The following SLC35F3 variants were observed in gnomAD, a reference collection of about 807,000 sequenced individuals.
SLC35F3 encodes the protein putative thiamine transporter SLC35F3.
Under a neutral mutation model 49.9 loss-of-function variants are expected in SLC35F3, and 25 were observed. The ratio of observed to expected loss-of-function variants is 0.50; its 90% CI spans 0.37 to 0.70. The LOEUF (loss-of-function observed/expected upper bound fraction) is 0.70, where lower values mean the gene tolerates loss of function less well. Ranked by LOEUF, SLC35F3 falls within the 30% of genes least tolerant of loss-of-function variation. The pLI, the probability that SLC35F3 is intolerant of heterozygous loss-of-function variation, is 0.00. For synonymous variants in SLC35F3, 275 were observed against 265.4 expected (o/e 1.04, Z -0.35); for missense variants, 525 against 639.8 (o/e 0.82, Z 1.94).
chr1:234,104,049 G>C (rs1379842980), intron 2 of SLC35F3, among the ~76,000 whole-genome samples: 1 of 152,178 alleles, frequency 6.6e-6, no homozygotes. Context: ...ACTTGTTTTT[G>C]TTAGTCATTG....
intron 3 of SLC35F3, among the ~76,000 whole-genome samples, chr1:234,240,307 T>C (rs1239951533): frequency 7.2e-6 from 1 of 138,290 alleles, no homozygotes; most frequent in African/African-American, 2.8e-5. Flanking sequence ...CCGTCTCTAC[T>C]GAAAACACAA....
chr1:234,169,562 ACAGGGACATACTGCCTGT>A (rs66581310), intron 2 of SLC35F3, among the ~76,000 whole-genome samples: 5,580 of 152,180 alleles, frequency 0.037, 289 homozygotes, highest in African/African-American at 0.11. Context: ...GATGCTCTGG[ACAGGGACATACTGCCTGT>A]CAGGGACATC....
At chr1:234,099,545 C>G (rs9435560) in intron 2 of SLC35F3, among the ~76,000 whole-genome samples, 73,882 of 148,556 alleles carry the variant, frequency 0.5, 18,686 homozygotes, top group East Asian at 0.82. Context: ...TGGAGGTGGA[C>G]GTTGCAGTGA....
chr1:234,261,687 C>A (rs1667908442), intron 3 of SLC35F3: 1 of 152,044 alleles, frequency 6.6e-6, no homozygotes, highest in South Asian at 2.1e-4. Context: ...GGGATGCAGC[C>A]CAGCAGGTCT....
intron 3 of SLC35F3, among the ~76,000 whole-genome samples, chr1:234,289,943 C>G (rs1342072308): frequency 1.3e-5 from 2 of 152,142 alleles, no homozygotes; most frequent in Non-Finnish European, 2.9e-5. Context: ...ACCAAAAGAG[C>G]TTTATTAATA....
chr1:233,959,006 A>G (rs1171988259), intron 2 of SLC35F3, among the ~76,000 whole-genome samples: 1 of 152,228 alleles, frequency 6.6e-6, no homozygotes, highest in Non-Finnish European at 1.5e-5. Context: ...AACACCAAAG[A>G]TAATGAAAAA....
chr1:234,272,426 G>C (rs1668122547), intron 3 of SLC35F3: 1 of 152,226 alleles, frequency 6.6e-6, no homozygotes, highest in African/African-American at 2.4e-5. Context: ...GTATACTTTT[G>C]GAGTAACATC....
rs566781230 is a variant in SLC35F3, at chr1:234,181,018, T to C, written c.284-50399T>C. Among the ~76,000 whole-genome samples, 5 of 152,220 alleles carry C rather than the reference T, an allele frequency of 3.3e-5. No individual in the cohort carries two copies. The East Asian group carries it at 7.7e-4, about 23-fold the overall frequency. ...AAATCCAGACATCATATAATTTCTT[T>C]TGAGGCATTTCTAAATGTATGTATT... On this transcript the variant is annotated intron_variant, in intron 2 of 7. Coordinates refer to ENST00000366618, the MANE Select transcript of SLC35F3 (RefSeq NM_173508.4).
intron 4 of SLC35F3, among the ~76,000 whole-genome samples, chr1:234,315,490 C>T (rs1353732647): frequency 1.3e-5 from 2 of 152,322 alleles, no homozygotes; most frequent in South Asian, 2.1e-4. Flanking sequence ...CACATACCAG[C>T]TGTGTGGGTT....
Position 234,117,956 on chromosome 1 carries a change from GTGTGTGTGTA to G in SLC35F3, c.284-113459_284-113450del, listed in dbSNP as rs1279022278. Among the ~76,000 whole-genome samples, 17 of 28,324 alleles carry G rather than the reference GTGTGTGTGTA, an allele frequency of 6.0e-4. 2 individuals are homozygous for G. The highest frequency in any genetic ancestry group is 2.8e-3 in the Admixed American group (7 of 2,512). 18.6% of individuals were successfully genotyped at this position (28,324 alleles called of 152,430 possible). On this transcript the variant is annotated intron_variant, in intron 2 of 7. Coordinates refer to ENST00000366618, the MANE Select transcript of SLC35F3 (RefSeq NM_173508.4). The stretch of plus-strand genomic sequence containing the variant: ...TGTGTGTGTGTGTGTGTGTGTGTGT[GTGTGTGTGTA>G]TATATATATAAAACCACAAGAAACT...
intron 2 of SLC35F3, among the ~76,000 whole-genome samples, chr1:234,108,914 G>A (rs1247134421): frequency 6.6e-6 from 1 of 150,992 alleles, no homozygotes; most frequent in Non-Finnish European, 1.5e-5. Context: ...CAGATGTCTG[G>A]ACACAGTCGT....
chr1:233,971,305 C>T (rs1434929751), intron 2 of SLC35F3, among the ~76,000 whole-genome samples: 2 of 152,216 alleles, frequency 1.3e-5, no homozygotes, highest in African/African-American at 2.4e-5. Context: ...AGGAGAAGAA[C>T]CACTTCTGAG....
At chr1:234,226,961 G>GCAAACA (rs1553316748) in intron 2 of SLC35F3, among the ~76,000 whole-genome samples, 3 of 148,638 alleles carry the variant, frequency 2.0e-5, no homozygotes, top group Non-Finnish European at 3.0e-5. Context: ...GCGCACGCGT[G>GCAAACA]CACACACACA....
intron 2 of SLC35F3, among the ~76,000 whole-genome samples, chr1:234,061,986 A>G (rs915008109): frequency 1.8e-4 from 27 of 151,978 alleles, no homozygotes; most frequent in African/African-American, 5.6e-4. Context: ...TCTGTTGTCT[A>G]TTTTTTGGAG....
chr1:234,168,015 T>G (rs1286616396), intron 2 of SLC35F3, among the ~76,000 whole-genome samples: 1 of 152,200 alleles, frequency 6.6e-6, no homozygotes, highest in Non-Finnish European at 1.5e-5. Flanking sequence ...CAGTGACAAT[T>G]CCTGCACACT....
chr1:234,308,001 A>AT (rs1572145709), intron 3 of SLC35F3, among the ~76,000 whole-genome samples: 1 of 152,074 alleles, frequency 6.6e-6, no homozygotes, highest in Non-Finnish European at 1.5e-5. Flanking sequence ...TTTCTTAAAG[A>AT]TTTTTTGAAC....
At chr1:234,147,784 G>A (rs1390570925) in intron 2 of SLC35F3, among the ~76,000 whole-genome samples, 1 of 152,206 alleles carries the variant, frequency 6.6e-6, no homozygotes, top group Non-Finnish European at 1.5e-5. Context: ...TGGTTTTCAA[G>A]CTTCATTGTG....
chr1:234,057,198 A>G (rs1431359446), intron 2 of SLC35F3, among the ~76,000 whole-genome samples: 1 of 152,252 alleles, frequency 6.6e-6, no homozygotes, highest in African/African-American at 2.4e-5. Context: ...CTATAAAAAC[A>G]TCAGTGAGAA....
chr1:234,121,636 C>T (rs1210422788), intron 2 of SLC35F3, among the ~76,000 whole-genome samples: 2 of 151,684 alleles, frequency 1.3e-5, no homozygotes, highest in Admixed American at 1.3e-4. Flanking sequence ...CATATGTATA[C>T]ATGTGCCATG....
Sources: allele counts gnomAD v4.1 joint callset (sites outside exome capture counted in the v4.1 genomes callset), GRCh38; gene constraint gnomAD v4.1.1; transcripts MANE v1.5; gene names NCBI Gene and HGNC (gene_info 2026-07-23, HGNC 2026-07-21).